The following DDR2 variants were observed in gnomAD, a reference collection of about 807,000 sequenced individuals.
DDR2 encodes the protein discoidin domain-containing receptor 2.
In DDR2, 27 loss-of-function variants were observed where a neutral mutation model predicts 94.9. The ratio of observed to expected loss-of-function variants is 0.28; its 90% CI spans 0.21 to 0.39. The LOEUF is 0.39. DDR2 is among the 10% of genes least tolerant of loss of function. The pLI, the probability that DDR2 is intolerant of heterozygous loss-of-function variation, is 1.00. For missense variants in DDR2, 783 were observed against 1,076.0 expected (o/e 0.73, Z 3.81); for synonymous variants, 382 against 377.2 (o/e 1.01, Z -0.15).
At chr1:162,697,533 C>CTTTGGGTGTA (rs1478428945) in intron 2 of DDR2, among the ~76,000 whole-genome samples, 1 of 152,108 alleles carries the variant, frequency 6.6e-6, no homozygotes, top group African/African-American at 2.4e-5. Flanking sequence ...TTTTTGTTTG[C>CTTTGGGTGTA]TTTGGGTGTA....
At chr1:162,752,895 G>A (rs1663282531) in intron 3 of DDR2, among the ~76,000 whole-genome samples, 200 bp from the exon 4 acceptor site, 1 of 152,038 alleles carries the variant, frequency 6.6e-6, no homozygotes, top group Non-Finnish European at 1.5e-5. Context: ...AAATCTCGGA[G>A]GCCCAAATTG....
intron 2 of DDR2, among the ~76,000 whole-genome samples, chr1:162,664,371 G>A (rs1001498027): frequency 4.0e-5 from 6 of 151,882 alleles, no homozygotes; most frequent in African/African-American, 1.5e-4. Flanking sequence ...TTTGACTTAG[G>A]AACTTTAGTT....
intron 3 of DDR2, among the ~76,000 whole-genome samples, chr1:162,723,209 G>A (rs1307970298): frequency 1.3e-5 from 2 of 152,162 alleles, no homozygotes; most frequent in African/African-American, 4.8e-5. Context: ...TATAGCGTAT[G>A]CAATGGCTGA....
At chr1:162,641,759 G>GA (rs1199955800) in intron 1 of DDR2, among the ~76,000 whole-genome samples, 2 of 152,088 alleles carry the variant, frequency 1.3e-5, no homozygotes, top group South Asian at 2.1e-4. Flanking sequence ...CTAGGTCATG[G>GA]AAAAAATGGC....
chr1:162,754,892 G>T, intron 5 of DDR2, 37 bp downstream of exon 5: 1 of 1,611,148 alleles, frequency 6.2e-7, no homozygotes, highest in South Asian at 1.1e-5. Flanking sequence ...GGATGTCCAA[G>T]ACCATATTTT....
At chr1:162,685,108 T>C (rs1301705601) in intron 2 of DDR2, among the ~76,000 whole-genome samples, 1 of 152,164 alleles carries the variant, frequency 6.6e-6, no homozygotes, top group Non-Finnish European at 1.5e-5. Context: ...TTGGGGCATG[T>C]TTTTTAACTA....
intron 2 of DDR2, among the ~76,000 whole-genome samples, chr1:162,712,808 G>A (rs896840442): frequency 1.3e-5 from 2 of 152,190 alleles, no homozygotes; most frequent in Non-Finnish European, 2.9e-5. Flanking sequence ...GGAGTCAGGC[G>A]AACTGGGATC....
chr1:162,639,339 T>C (rs1480314417), intron 1 of DDR2, among the ~76,000 whole-genome samples: 1 of 152,210 alleles, frequency 6.6e-6, no homozygotes, highest in Non-Finnish European at 1.5e-5. Context: ...ACCCATATAA[T>C]GTAGCCAACT....
chr1:162,731,705 C>T (rs1239201727), intron 3 of DDR2, among the ~76,000 whole-genome samples: 1 of 152,138 alleles, frequency 6.6e-6, no homozygotes, highest in East Asian at 1.9e-4. Context: ...TCTTAGATAT[C>T]ATTTATTGAG....
In DDR2 at chr1:162,654,106, A is replaced by G. The variant is rs115679920; in HGVS notation, c.-191-1105A>G. On this transcript the variant is annotated intron_variant, in intron 1 of 17. Coordinates refer to ENST00000367921, the MANE Select transcript of DDR2 (RefSeq NM_006182.4). ...ATGTATAATAGACAAGCCAAGGTGA[A>G]ATGTATAGCATACTAATATTCAACT... is the stretch of plus-strand genomic sequence containing the variant. 3.6e-3 allele frequency among the ~76,000 whole-genome samples: 543 copies of G among 152,292 alleles called. 1 individual carries two copies. Among genetic ancestry groups the G allele is most frequent in the African/African-American group, 0.012 (519 of 41,560 alleles).
intron 2 of DDR2, among the ~76,000 whole-genome samples, chr1:162,673,242 C>T (rs1658956652): frequency 6.6e-6 from 1 of 152,114 alleles, no homozygotes; most frequent in Non-Finnish European, 1.5e-5. Context: ...AGTTGGTGTT[C>T]TCAAAGGTGG....
chr1:162,771,620 G>C (rs1378112959), intron 12 of DDR2, among the ~76,000 whole-genome samples: 2 of 152,138 alleles, frequency 1.3e-5, no homozygotes, highest in Non-Finnish European at 2.9e-5. Flanking sequence ...TAGATCATAT[G>C]TCTTTAATCT....
chr1:162,744,040 A>G (rs1468331264), intron 3 of DDR2, among the ~76,000 whole-genome samples: 1 of 152,226 alleles, frequency 6.6e-6, no homozygotes, highest in Non-Finnish European at 1.5e-5. Context: ...TGTAGCATGC[A>G]TCAATAGTTC....
chr1:162,682,304 A>G (rs1275420917), intron 2 of DDR2, among the ~76,000 whole-genome samples: 1 of 152,182 alleles, frequency 6.6e-6, no homozygotes, highest in Non-Finnish European at 1.5e-5. Flanking sequence ...TTTTCTGCCT[A>G]AAACTTCTAG....
At chr1:162,689,841 T>TGA (rs1558028580) in intron 2 of DDR2, among the ~76,000 whole-genome samples, 584 of 14,704 alleles carry the variant, frequency 0.04, 50 homozygotes, top group African/African-American at 0.084. Context: ...CCATCTCTAC[T>TGA]TAAAAAAAAA....
intron 3 of DDR2, among the ~76,000 whole-genome samples, chr1:162,735,754 G>A (rs1319698628): frequency 2.6e-5 from 4 of 152,186 alleles, no homozygotes; most frequent in African/African-American, 4.8e-5. Context: ...CTATGCCTAG[G>A]AAATATAATT....
chr1:162,696,213 T>TA (rs1660179895), intron 2 of DDR2, among the ~76,000 whole-genome samples: 3 of 97,330 alleles, frequency 3.1e-5, no homozygotes, highest in African/African-American at 8.8e-5. Context: ...TTTTTTTTTT[T>TA]TAAAAAAAAA....
chr1:162,740,605 T>G (rs1662541072), intron 3 of DDR2, among the ~76,000 whole-genome samples: 1 of 152,218 alleles, frequency 6.6e-6, no homozygotes, highest in Non-Finnish European at 1.5e-5. Flanking sequence ...CTATTCCTTT[T>G]GCATACTTTT....
At chr1:162,761,482 G>C in intron 9 of DDR2, 28 bp downstream of exon 9, 5 of 1,614,124 alleles carry the variant, frequency 3.1e-6, no homozygotes, top group Non-Finnish European at 4.2e-6. Flanking sequence ...TCTTTGGGAA[G>C]TGGGAGCAAG....
Sources: gnomAD v4.1 joint callset for allele counts (sites outside exome capture counted in the v4.1 genomes callset) on GRCh38, gnomAD v4.1.1 for gene constraint, MANE v1.5 for transcripts, NCBI Gene and HGNC (gene_info 2026-07-23, HGNC 2026-07-21) for gene names.